CNTN1: variants seen among roughly 807,000 people sequenced by gnomAD.
CNTN1 encodes the protein contactin 1.
In CNTN1, 38 loss-of-function variants were observed where a neutral mutation model predicts 126.4. The observed-to-expected ratio is 0.30, with a 90% confidence interval of 0.23 to 0.39. The LOEUF (loss-of-function observed/expected upper bound fraction) is 0.39. Ranked by LOEUF, CNTN1 falls within the 10% of genes least tolerant of loss-of-function variation. CNTN1 has a pLI of 1.00. For synonymous variants in CNTN1, 413 were observed against 422.6 expected (o/e 0.98, Z 0.28); for missense variants, 1,009 against 1,248.4 (o/e 0.81, Z 2.89).
intron 17 of CNTN1, among the ~76,000 whole-genome samples, chr12:41,001,926 A>G (rs1368573747): frequency 6.6e-6 from 1 of 152,066 alleles, no homozygotes; most frequent in East Asian, 1.9e-4. Flanking sequence ...CAAAAATCAG[A>G]TAGCTGTAAG....
At chr12:40,995,057 T>G (rs1310181101) in intron 17 of CNTN1, among the ~76,000 whole-genome samples, 1 of 152,130 alleles carries the variant, frequency 6.6e-6, no homozygotes, top group African/African-American at 2.4e-5. Context: ...ATTATGAGGA[T>G]TAAATGAAAT....
chr12:40,989,694 T>A (rs1379051919), intron 16 of CNTN1, among the ~76,000 whole-genome samples: 2 of 152,122 alleles, frequency 1.3e-5, no homozygotes, highest in Non-Finnish European at 2.9e-5. Context: ...TAAGCAAAAA[T>A]GTATTAAGTA....
rs550207745 is a variant in CNTN1, at chr12:40,802,250, C to T, written c.-76-106107C>T. Among the ~76,000 whole-genome samples, 3 of 151,896 alleles carry T rather than the reference C, an allele frequency of 2.0e-5. No individual in the cohort carries two copies. The South Asian group carries it at 6.2e-4, about 32-fold the overall frequency. On this transcript the variant is annotated intron_variant, in intron 1 of 23. Coordinates refer to ENST00000551295, the MANE Select transcript of CNTN1 (RefSeq NM_001843.4). ...ATACATATTCTATAAAAGATGACAT[C>T]TATAACAGGAAGACAGAAGGAAATC... is the stretch of plus-strand genomic sequence containing the variant.
At chr12:40,787,038 A>T (rs1265747952) in intron 1 of CNTN1, among the ~76,000 whole-genome samples, 1 of 152,134 alleles carries the variant, frequency 6.6e-6, no homozygotes, top group Non-Finnish European at 1.5e-5. Context: ...GATGTTCGTT[A>T]TAGGCCAAGA....
chr12:41,010,133 G>A (rs544934423), intron 17 of CNTN1, among the ~76,000 whole-genome samples: 14 of 152,164 alleles, frequency 9.2e-5, no homozygotes, highest in African/African-American at 3.4e-4. Flanking sequence ...ACTGGCTCTA[G>A]TGTTCACAAG....
intron 17 of CNTN1, among the ~76,000 whole-genome samples, chr12:40,996,597 A>C (rs1206954672): frequency 1.3e-5 from 2 of 152,230 alleles, no homozygotes; most frequent in African/African-American, 2.4e-5. Context: ...TAATATGCTT[A>C]CAAGAAAATA....
At chr12:41,005,648 C>T (rs192090336) in intron 17 of CNTN1, among the ~76,000 whole-genome samples, 4 of 152,138 alleles carry the variant, frequency 2.6e-5, no homozygotes, top group African/African-American at 4.8e-5. Context: ...TCCTGTCTGA[C>T]TGTCTTATTT....
At chr12:40,971,826 T>C in intron 15 of CNTN1, 1 of 1,141,514 alleles carries the variant, frequency 8.8e-7, no homozygotes, top group Non-Finnish European at 1.1e-6. Flanking sequence ...ATTAGCTCAT[T>C]ATCTGAAAAA....
At chr12:40,925,800 T>TTATATATATATATATATATATATATATA (rs370971706) in intron 6 of CNTN1, among the ~76,000 whole-genome samples, 1 of 116,578 alleles carries the variant, frequency 8.6e-6, no homozygotes, top group African/African-American at 3.5e-5. Flanking sequence ...ACTATTGAAA[T>TTATATATATATATATATATATATATATA]TATATATATA....
intron 1 of CNTN1, among the ~76,000 whole-genome samples, chr12:40,841,197 A>G (rs935481646): frequency 2.0e-5 from 3 of 152,046 alleles, no homozygotes; most frequent in African/African-American, 7.2e-5. Flanking sequence ...GAAATGGATA[A>G]ATTCCTAGAA....
At chr12:41,002,900 T>C (rs1948401179) in intron 17 of CNTN1, among the ~76,000 whole-genome samples, 1 of 152,158 alleles carries the variant, frequency 6.6e-6, no homozygotes. Flanking sequence ...CAAACTGATA[T>C]GGCTTGACAT....
At chr12:40,843,657 C>A (rs1180730795) in intron 1 of CNTN1, among the ~76,000 whole-genome samples, 2 of 152,060 alleles carry the variant, frequency 1.3e-5, no homozygotes, top group Non-Finnish European at 2.9e-5. Context: ...CAAATGCATC[C>A]CATATTGTGA....
chr12:40,904,094 C>T (rs1171182813), intron 1 of CNTN1, among the ~76,000 whole-genome samples: 1 of 152,202 alleles, frequency 6.6e-6, no homozygotes, highest in East Asian at 1.9e-4. Flanking sequence ...TCTCGGCTCA[C>T]TGCAAGCTCC....
At chr12:40,794,304 A>G (rs1333059436) in intron 1 of CNTN1, among the ~76,000 whole-genome samples, 1 of 151,920 alleles carries the variant, frequency 6.6e-6, no homozygotes, top group Non-Finnish European at 1.5e-5. Flanking sequence ...TAAATGGGGG[A>G]TTGTTGGTGA....
At chr12:40,962,694 T>C (rs1211537134) in intron 15 of CNTN1, among the ~76,000 whole-genome samples, 1 of 152,164 alleles carries the variant, frequency 6.6e-6, no homozygotes, top group Non-Finnish European at 1.5e-5. Flanking sequence ...TATAGAAAGC[T>C]ATAGCACTTT....
chr12:40,855,057 G>A (rs918202194), intron 1 of CNTN1, among the ~76,000 whole-genome samples: 3 of 152,076 alleles, frequency 2.0e-5, no homozygotes, highest in African/African-American at 7.2e-5. Flanking sequence ...AGAAAGCTCT[G>A]GCTACTGTTG....
intron 1 of CNTN1, among the ~76,000 whole-genome samples, chr12:40,717,913 G>C (rs1384304925): frequency 2.0e-5 from 3 of 152,098 alleles, no homozygotes; most frequent in Non-Finnish European, 4.4e-5. Context: ...AAGAAAATGA[G>C]ACTTTTTTGT....
chr12:41,052,337 T>C (rs986002797), intron 23 of CNTN1, among the ~76,000 whole-genome samples: 9 of 152,182 alleles, frequency 5.9e-5, no homozygotes, highest in African/African-American at 1.9e-4. Context: ...CAGAGCCAAA[T>C]CTGCTACATG....
intron 1 of CNTN1, among the ~76,000 whole-genome samples, chr12:40,899,495 C>A (rs934994032): frequency 6.6e-6 from 1 of 152,098 alleles, no homozygotes; most frequent in Non-Finnish European, 1.5e-5. Flanking sequence ...AGACCAAATG[C>A]CACACAAAAT....
Sources: allele counts gnomAD v4.1 joint callset (sites outside exome capture counted in the v4.1 genomes callset), GRCh38; gene constraint gnomAD v4.1.1; transcripts MANE v1.5; gene names NCBI Gene and HGNC (gene_info 2026-07-23, HGNC 2026-07-21).